CHD5: variants seen among roughly 807,000 people sequenced by gnomAD.
CHD5 encodes the protein chromodomain helicase DNA binding protein 5.
Under a neutral mutation model 230.3 loss-of-function variants are expected in CHD5, and 69 were observed. That is an observed-to-expected ratio of 0.30 (90% CI 0.25 to 0.37). The LOEUF (loss-of-function observed/expected upper bound fraction) is 0.37, where lower values mean the gene tolerates loss of function less well. Among genes scored for constraint, CHD5 ranks in the 10% least tolerant of loss-of-function variants. CHD5 has a pLI of 1.00. For missense variants in CHD5, 1,827 were observed against 2,622.8 expected, an observed-to-expected ratio of 0.70 and a Z score of 6.63; for synonymous variants, 1,064 against 1,065.9, an observed-to-expected ratio of 1.00 and a Z score of 0.03.
At chr1:6,144,206 A>G (rs9435102) in intron 11 of CHD5, 51 bp from the exon 12 acceptor site, 835,134 of 1,606,618 alleles carry the variant, frequency 0.52, 227,016 homozygotes, top group East Asian at 0.86. Flanking sequence ...GCCACAGCAC[A>G]GGTTTGATGA....
rs533805837 is a variant in CHD5, at chr1:6,146,603, C to T, written c.1590+62G>A. On this transcript the variant is annotated intron_variant, in intron 10 of 41. Transcript: ENST00000262450. The surrounding 1 kb of genome is among the most constrained non-coding windows in gnomAD (Gnocchi z 5.1). ...GCGCTTCAGCCCCTTCCCGCCAGCCCAGGAGGGTCCAGGGCTCACCAGGTC... is the reference window on the plus strand; with the variant it reads ...GCGCTTCAGCCCCTTCCCGCCAGCCTAGGAGGGTCCAGGGCTCACCAGGTC... The T allele has an allele frequency of 6.4e-6, 10 of 1,563,584 alleles. No homozygotes were observed. In the Admixed American group the frequency reaches 8.4e-5, roughly 13 times the overall value.
rs1344468995 is a variant in CHD5 at position 6,147,252 on chromosome 1, T to C, written c.1384-381A>G. ...GATTCTGGACTTCCCCTACCTTAGG[T>C]CTTCCCATTGCCCCCTGAAAAGAGG... On this transcript the variant is annotated intron_variant, in intron 9 of 41. Transcript: ENST00000262450. Among the ~76,000 whole-genome samples, 12 of 152,180 alleles carry C rather than the reference T, an allele frequency of 7.9e-5. No individual in the cohort carries two copies. The South Asian group carries it at 8.3e-4, about 11-fold the overall frequency.
At chr1:6,143,061 C>CT (rs5772221) in intron 13 of CHD5, among the ~76,000 whole-genome samples, 17 of 148,664 alleles carry the variant, frequency 1.1e-4, no homozygotes, top group East Asian at 6.0e-4. Flanking sequence ...CAGACATTTA[C>CT]TTTTTTTTTT....
chr1:6,107,351 G>T (rs1230626706), intron 38 of CHD5, among the ~76,000 whole-genome samples: 1 of 140,336 alleles, frequency 7.1e-6, no homozygotes, highest in Non-Finnish European at 1.5e-5. Flanking sequence ...GGGATGGAGG[G>T]ATAATGAAGG....
chr1:6,124,918 T>A (rs529268876), intron 29 of CHD5, among the ~76,000 whole-genome samples, 182 bp downstream of exon 29: 34 of 152,266 alleles, frequency 2.2e-4, no homozygotes, highest in African/African-American at 7.9e-4. Context: ...ATGGTCAGTG[T>A]TTGCAAATCA....
chr1:6,112,271 G>T lies in CHD5; in HGVS notation c.5009C>A (p.Thr1670Asn). ...GDSSELRPDD[T>N]KAEEKEPIET... ...AATGGGCTCCTTCTCCTCAGCCTTG[G>T]TGTCATCTGCCGGGGACAGATCACA... is the stretch of plus-strand genomic sequence containing the variant. The change falls in exon 35 of 42, where the codon ACC (threonine) becomes AAC (asparagine). Residue 1670 changes from threonine to asparagine, a missense_variant. Coordinates refer to ENST00000262450, the MANE Select transcript of CHD5 (RefSeq NM_015557.3). 6.2e-7 allele frequency: 1 copy of T among 1,614,018 alleles called. No individual in the cohort carries two copies. Among genetic ancestry groups the T allele is most frequent in the South Asian group, 1.1e-5 (1 of 91,048 alleles).
rs74051708 is a variant in CHD5, at chr1:6,134,900, G to C, written c.2871-41C>G. On this transcript the variant is annotated intron_variant, in intron 18 of 41. Coordinates refer to ENST00000262450, the MANE Select transcript of CHD5 (RefSeq NM_015557.3). The surrounding 1 kb of genome is among the most constrained non-coding windows in gnomAD (Gnocchi z 6.3). ...AGGAAAGGCAGGCTGGGTCAGACCC[G>C]CCTCCATGAGGGCTCTCTCTGCTCT... is the stretch of plus-strand genomic sequence containing the variant. 6.2e-7 allele frequency: 1 copy of C among 1,611,926 alleles called. No individual in the cohort carries two copies.
In CHD5 at chr1:6,131,686, C is replaced by A. The variant is rs2100848564; in HGVS notation, c.3207G>T (p.Arg1069=). ...FLEYEGYKYE[R]IDGGITGGLR... is the part of the protein sequence containing the mutation. ...GGCCCCCGGTGATGCCACCATCAAT[C>A]CGCTCATACTTGTAGCCTTCGTACT... The change falls in exon 21 of 42, where the codon CGG becomes CGT. Residue 1069 remains arginine, a synonymous_variant. Transcript: ENST00000262450. This position sits in a 1 kb window ranked among gnomAD's most constrained non-coding sequence, Gnocchi z 5.0. 1 of 1,613,832 alleles carries A rather than the reference C, an allele frequency of 6.2e-7. No homozygotes were observed. Among genetic ancestry groups the A allele is most frequent in the Non-Finnish European group, 8.5e-7 (1 of 1,179,752 alleles).
rs1289587662 is a variant in CHD5, at chr1:6,158,813, C to A, written c.387+523G>T. On this transcript the variant is annotated intron_variant, in intron 3 of 41. Coordinates refer to ENST00000262450, the MANE Select transcript of CHD5 (RefSeq NM_015557.3). ...ACGAGGTCAGGAGATCGAGACCATC[C>A]CGGCTAAAACGGTGAAACCCCATCT... 2.6e-5 allele frequency among the ~76,000 whole-genome samples: 4 copies of A among 151,370 alleles called. No homozygotes were observed. The East Asian group carries it at 7.8e-4, about 29-fold the overall frequency.
At chr1:6,150,245 A>G (rs540425610) in intron 7 of CHD5, among the ~76,000 whole-genome samples, 1 of 148,886 alleles carries the variant, frequency 6.7e-6, no homozygotes, top group Admixed American at 6.7e-5. Context: ...AAATGAATGG[A>G]TAACGGATGG....
chr1:6,143,257 T>C (rs1001095244), intron 13 of CHD5, among the ~76,000 whole-genome samples: 31 of 152,110 alleles, frequency 2.0e-4, no homozygotes, highest in African/African-American at 6.7e-4. Context: ...TGCCTCAAAC[T>C]TCTGGGTTCA....
At chr1:6,140,315 G>T (rs562147129) in intron 15 of CHD5, among the ~76,000 whole-genome samples, 1 of 150,946 alleles carries the variant, frequency 6.6e-6, no homozygotes, top group Admixed American at 6.6e-5. Flanking sequence ...CAGGAGAATC[G>T]CTTGAACCTG....
chr1:6,108,618 CAG>C (rs57109376), intron 38 of CHD5, among the ~76,000 whole-genome samples: 8,022 of 117,074 alleles, frequency 0.069, 408 homozygotes, highest in East Asian at 0.27. Context: ...TGAAGGATGA[CAG>C]AGGGATGAGG....
intron 1 of CHD5, among the ~76,000 whole-genome samples, chr1:6,177,575 C>T (rs111766056): frequency 6.6e-6 from 1 of 152,130 alleles, no homozygotes; most frequent in African/African-American, 2.4e-5. Flanking sequence ...GCAGGAGGAT[C>T]GCTTGAGCAC....
Position 6,150,659 on chromosome 1 carries a change from G to A in CHD5, c.994+373C>T, listed in dbSNP as rs139102396. ...AGGGAGAAGGAGGGATGGGAAGGAA[G>A]GTGAGGTAAAGATGGGTGTTAAGTG... On this transcript the variant is annotated intron_variant, in intron 7 of 41. Coordinates refer to ENST00000262450, the MANE Select transcript of CHD5 (RefSeq NM_015557.3). Among the ~76,000 whole-genome samples, 1,113 of 152,222 alleles carry A rather than the reference G, an allele frequency of 7.3e-3. 8 individuals carry two copies. The highest frequency in any genetic ancestry group is 0.034 in the Middle Eastern group (10 of 294).
chr1:6,159,550 G>C (rs532051244), intron 2 of CHD5, 35 bp from the exon 3 acceptor site: 1 of 1,568,146 alleles, frequency 6.4e-7, no homozygotes, highest in African/African-American at 1.4e-5. Context: ...GGCAACAGAG[G>C]CCCCAGGAAC....
chr1:6,129,130 T>A lies in CHD5; in HGVS notation c.3388-61A>T. On this transcript the variant is annotated intron_variant, in intron 22 of 41. Coordinates refer to ENST00000262450, the MANE Select transcript of CHD5 (RefSeq NM_015557.3). The surrounding 1 kb of genome is among the most constrained non-coding windows in gnomAD (Gnocchi z 6.8). ...CCAGGGCTCCAGGCAATGGAGGAGA[T>A]CACACCCATGAGCTCAAGAGCATGG... is the stretch of plus-strand genomic sequence containing the variant. 1 of 1,178,294 alleles carries A rather than the reference T, an allele frequency of 8.5e-7. No individual in the cohort carries two copies. Among genetic ancestry groups the A allele is most frequent in the South Asian group, 1.3e-5 (1 of 76,712 alleles). The allele number at this position is 1,178,294 out of a possible 1,614,324, so 73.0% of individuals were successfully genotyped here. A position where few individuals can be genotyped will look rare whatever the true frequency, so the allele number is the denominator to read the frequency against.
In CHD5 at chr1:6,167,232, G is replaced by C. The variant is rs998073145; in HGVS notation, c.207+918C>G. Among the ~76,000 whole-genome samples the C allele has an allele frequency of 6.6e-6, 1 of 152,196 alleles. No homozygotes were observed. Among genetic ancestry groups the C allele is most frequent in the African/African-American group, 2.4e-5 (1 of 41,436 alleles). On this transcript the variant is annotated intron_variant, in intron 2 of 41. Coordinates refer to ENST00000262450, the MANE Select transcript of CHD5 (RefSeq NM_015557.3). The surrounding 1 kb of genome is among the most constrained non-coding windows in gnomAD (Gnocchi z 4.5). ...GGAGGGGAGAAACACTCCTGGCAGC[G>C]GTGGCTGGTGGAGCTGACAGCCCTG...
intron 17 of CHD5, 37 bp from the exon 18 acceptor site, chr1:6,135,440 G>C (rs1351561038): frequency 8.9e-6 from 14 of 1,567,948 alleles, no homozygotes; most frequent in Non-Finnish European, 1.2e-5. Context: ...CAGGAGCAGA[G>C]GACCGGGGCA....
Sources: gnomAD v4.1 joint callset for allele counts (sites outside exome capture counted in the v4.1 genomes callset) on GRCh38, gnomAD v4.1.1 for gene constraint, Gnocchi (gnomAD v3.1) non-coding constraint, MANE v1.5 for transcripts, NCBI Gene and HGNC (gene_info 2026-07-23, HGNC 2026-07-21) for gene names.